NRG3: variants seen among roughly 807,000 people sequenced by gnomAD.
The protein encoded by NRG3 is pro-neuregulin-3, membrane-bound isoform.
NRG3 carries 31 observed loss-of-function variants against 66.9 expected under a neutral mutation model. That is an observed-to-expected ratio of 0.46 (90% confidence interval 0.35 to 0.63). NRG3 has a LOEUF of 0.63. NRG3 is among the 20% of genes least tolerant of loss of function. The pLI is 0.00. For synonymous variants in NRG3, 393 were observed against 359.4 expected, an observed-to-expected ratio of 1.09 and a Z score of -1.06; for missense variants, 910 against 878.9, an observed-to-expected ratio of 1.04 and a Z score of -0.45.
chr10:82,474,650 T>C (rs530770058), intron 2 of NRG3, among the ~76,000 whole-genome samples: 1 of 152,222 alleles, frequency 6.6e-6, no homozygotes, highest in African/African-American at 2.4e-5. Context: ...CCAATGTATG[T>C]ACTACAGGAG....
In NRG3 at chr10:82,459,845, A is replaced by C. The variant is rs73305803; in HGVS notation, c.953+100977A>C. 5.5e-3 allele frequency among the ~76,000 whole-genome samples: 844 copies of C among 152,358 alleles called. 7 individuals are homozygous for C. The highest frequency in any genetic ancestry group is 0.02 in the African/African-American group (819 of 41,592). ...CAAATTGTTGAGCCCCCTTGGTTCC[A>C]GTCAGAATATTTTTCAAGAAAAAAG... On this transcript the variant is annotated intron_variant, in intron 2 of 8. Coordinates refer to ENST00000372141, the MANE Select transcript of NRG3 (RefSeq NM_001010848.4).
chr10:81,998,104 C>T (rs1037518631), intron 1 of NRG3, among the ~76,000 whole-genome samples: 8 of 151,998 alleles, frequency 5.3e-5, no homozygotes, highest in Non-Finnish European at 8.8e-5. Flanking sequence ...TTTGAAGCTC[C>T]GCACTCTCAA....
At chr10:82,479,668 A>C (rs1382884121) in intron 2 of NRG3, among the ~76,000 whole-genome samples, 1 of 144,702 alleles carries the variant, frequency 6.9e-6, no homozygotes, top group Non-Finnish European at 1.5e-5. Context: ...CTGTCTCAAA[A>C]AAAAAAAAAA....
intron 1 of NRG3, among the ~76,000 whole-genome samples, chr10:82,156,769 G>GT (rs1205419182): frequency 2.0e-4 from 31 of 151,494 alleles, no homozygotes; most frequent in African/African-American, 5.8e-4. Flanking sequence ...ACTTTTATAG[G>GT]TTTTTTTACA....
At chr10:82,430,589 A>G (rs1286548686) in intron 2 of NRG3, among the ~76,000 whole-genome samples, 1 of 152,144 alleles carries the variant, frequency 6.6e-6, no homozygotes, top group Non-Finnish European at 1.5e-5. Flanking sequence ...CACATTTTAA[A>G]TAAAATAATA....
At chr10:82,226,514 C>A (rs2076169179) in intron 1 of NRG3, among the ~76,000 whole-genome samples, 1 of 152,084 alleles carries the variant, frequency 6.6e-6, no homozygotes, top group Admixed American at 6.6e-5. Context: ...AGGTACTAAA[C>A]CTCTATGAAC....
chr10:82,715,666 T>C (rs960641373), intron 2 of NRG3, among the ~76,000 whole-genome samples: 1 of 152,228 alleles, frequency 6.6e-6, no homozygotes, highest in African/African-American at 2.4e-5. Flanking sequence ...ATATTAGTTA[T>C]TATTTTAAAC....
chr10:82,361,985 T>C (rs1247963312), intron 2 of NRG3, among the ~76,000 whole-genome samples: 1 of 140,684 alleles, frequency 7.1e-6, no homozygotes, highest in African/African-American at 2.7e-5. Flanking sequence ...GTTGTGAAAA[T>C]AGACCATGCT....
chr10:82,668,522 G>A (rs1319188940), intron 2 of NRG3, among the ~76,000 whole-genome samples: 4 of 152,068 alleles, frequency 2.6e-5, no homozygotes, highest in Admixed American at 2.0e-4. Context: ...GCTAGATACA[G>A]GCCAAATTTA....
intron 4 of NRG3, among the ~76,000 whole-genome samples, chr10:82,886,389 C>A (rs1842725449): frequency 6.6e-6 from 1 of 152,164 alleles, no homozygotes; most frequent in Non-Finnish European, 1.5e-5. Flanking sequence ...TGTTCCCTTA[C>A]AGGAAGAGGA....
chr10:82,268,148 C>T (rs2078401283), intron 1 of NRG3, among the ~76,000 whole-genome samples: 1 of 152,176 alleles, frequency 6.6e-6, no homozygotes, highest in Non-Finnish European at 1.5e-5. Flanking sequence ...TGAAACCACA[C>T]CTGTTTCCCT....
intron 3 of NRG3, among the ~76,000 whole-genome samples, chr10:82,846,302 T>TTG (rs2063306028): frequency 6.6e-6 from 1 of 152,174 alleles, no homozygotes; most frequent in African/African-American, 2.4e-5. Flanking sequence ...GAAAAGAGAC[T>TTG]TGAAGCCTCC....
intron 2 of NRG3, among the ~76,000 whole-genome samples, chr10:82,387,929 A>G (rs1564866381): frequency 6.6e-6 from 1 of 152,186 alleles, no homozygotes; most frequent in Admixed American, 6.6e-5. Flanking sequence ...CAGAATGGCA[A>G]AGAACAAAGT....
chr10:82,957,643 T>C (rs1397857561), intron 5 of NRG3, among the ~76,000 whole-genome samples: 2 of 151,750 alleles, frequency 1.3e-5, no homozygotes, highest in African/African-American at 4.9e-5. Context: ...TGCACGAAAA[T>C]AGTTCTGCAA....
At chr10:82,223,705 T>G (rs1042631028) in intron 1 of NRG3, among the ~76,000 whole-genome samples, 2 of 149,160 alleles carry the variant, frequency 1.3e-5, no homozygotes, top group African/African-American at 5.0e-5. Flanking sequence ...CACGTTCTTC[T>G]GGATGCCCCA....
chr10:81,887,778 A>G (rs774952749), intron 1 of NRG3, among the ~76,000 whole-genome samples: 1 of 152,124 alleles, frequency 6.6e-6, no homozygotes, highest in South Asian at 2.1e-4. Context: ...TTCTATTTAT[A>G]TACTGTGTAA....
chr10:82,198,745 T>C (rs2074588379), intron 1 of NRG3, among the ~76,000 whole-genome samples: 2 of 152,108 alleles, frequency 1.3e-5, no homozygotes. Flanking sequence ...ACGCCTGTAA[T>C]CCCAGCACAC....
chr10:82,707,001 A>AACAT (rs2056337921), intron 2 of NRG3, among the ~76,000 whole-genome samples: 2 of 145,224 alleles, frequency 1.4e-5, no homozygotes, highest in Non-Finnish European at 3.0e-5. Flanking sequence ...CTCAAAAAAA[A>AACAT]AAAATAAAAT....
intron 2 of NRG3, among the ~76,000 whole-genome samples, chr10:82,669,771 A>C (rs2053105307): frequency 6.6e-6 from 1 of 152,062 alleles, no homozygotes; most frequent in Non-Finnish European, 1.5e-5. Flanking sequence ...TACTAAAAAT[A>C]CAAAAAATAA....
Sources: allele counts gnomAD v4.1 joint callset (sites outside exome capture counted in the v4.1 genomes callset), GRCh38; gene constraint gnomAD v4.1.1; transcripts MANE v1.5; gene names NCBI Gene and HGNC (gene_info 2026-07-23, HGNC 2026-07-21).